Variants in ZBTB10 observed in about 807,000 individuals in gnomAD.
ZBTB10 encodes the protein zinc finger and BTB domain-containing protein 10.
ZBTB10 carries 32 observed loss-of-function variants against 76.4 expected under a neutral mutation model. The ratio of observed to expected loss-of-function variants is 0.42; its 90% CI spans 0.32 to 0.56. The LOEUF (loss-of-function observed/expected upper bound fraction) is 0.56. ZBTB10 is among the 20% of genes least tolerant of loss of function. The pLI, the probability that ZBTB10 is intolerant of heterozygous loss-of-function variation, is 0.14. For missense variants in ZBTB10, 1,057 were observed against 1,098.5 expected (o/e 0.96, Z 0.53); for synonymous variants, 523 against 432.9 (o/e 1.21, Z -2.58).
intron 2 of ZBTB10, among the ~76,000 whole-genome samples, chr8:80,504,281 G>A (rs1357418851): frequency 6.6e-6 from 1 of 152,180 alleles, no homozygotes; most frequent in Non-Finnish European, 1.5e-5. Context: ...CATCTGAAAA[G>A]TCTTAGTGAA....
chr8:80,486,003 C>G, upstream of ZBTB10: 4 of 1,133,664 alleles, frequency 3.5e-6, no homozygotes, highest in South Asian at 1.6e-5. Flanking sequence ...GCCCGCCGCC[C>G]GGCCTTTTGT....
chr8:80,507,770 T>C (rs1816097165), intron 2 of ZBTB10, among the ~76,000 whole-genome samples: 1 of 152,114 alleles, frequency 6.6e-6, no homozygotes, highest in South Asian at 2.1e-4. Context: ...TAATTTTTTT[T>C]AGATTTTTAA....
intron 1 of ZBTB10, among the ~76,000 whole-genome samples, chr8:80,489,788 A>G (rs1815576537): frequency 6.6e-6 from 1 of 152,296 alleles, no homozygotes; most frequent in South Asian, 2.1e-4. Context: ...ATTCTATACA[A>G]TATACATATA....
At chr8:80,489,989 T>C (rs1815581886) in intron 1 of ZBTB10, among the ~76,000 whole-genome samples, 2 of 152,202 alleles carry the variant, frequency 1.3e-5, no homozygotes, top group South Asian at 4.1e-4. Flanking sequence ...TGTCTTAACA[T>C]GAGTAACATG....
At chr8:80,497,611 A>G (rs1043246365) in intron 1 of ZBTB10, among the ~76,000 whole-genome samples, 1 of 150,446 alleles carries the variant, frequency 6.6e-6, no homozygotes, top group Non-Finnish European at 1.5e-5. Context: ...TAGTGATCAT[A>G]TACTCCAGAT....
intron 1 of ZBTB10, among the ~76,000 whole-genome samples, chr8:80,496,062 A>AT (rs1024269554): frequency 4.6e-5 from 7 of 152,042 alleles, no homozygotes; most frequent in African/African-American, 1.4e-4. Flanking sequence ...GGAAATAGTA[A>AT]TTTTTTTTAA....
In ZBTB10 at chr8:80,499,549, A is replaced by G; in HGVS notation, c.1028A>G (p.Glu343Gly). The stretch of plus-strand genomic sequence containing the variant: ...TGTGACTTTAATAGTAGGCCAAATG[A>G]GAACTCTTATTGCTATCAACTTCTG... Reference protein sequence around the residue: ...GYCDFNSRPNENSYCYQLLRQ... With the variant: ...GYCDFNSRPNGNSYCYQLLRQ... The change falls in exon 2 of 6, where the codon GAG (glutamate) becomes GGG (glycine). Residue 343 changes from glutamate (E) to glycine (G), a missense_variant. Glu to Gly is a moderately conservative substitution (Grantham distance 98). This residue lies in a region of ZBTB10 where 86 missense variants were observed against 145.7 expected (regional missense o/e 0.59). Transcript: ENST00000455036. 3.7e-6 allele frequency: 6 copies of G among 1,613,840 alleles called. No individual in the cohort carries two copies. Among genetic ancestry groups the G allele is most frequent in the Non-Finnish European group, 3.4e-6 (4 of 1,179,832 alleles).
chr8:80,500,167 A>G lies in ZBTB10; in HGVS notation c.1646A>G (p.Asn549Ser). 1 of 1,612,470 alleles carries G rather than the reference A, an allele frequency of 6.2e-7. No individual in the cohort carries two copies. Among genetic ancestry groups the G allele is most frequent in the Non-Finnish European group, 8.5e-7 (1 of 1,178,950 alleles). ...VQDGSPEMAE[N>S]ESEGQTKVFI... is the part of the protein sequence containing the mutation. Reference sequence around the variant, plus strand: ...GATGGATCTCCTGAAATGGCTGAAAATGAATCTGAAGGTCAAACAAAAGTG... The same window carrying G: ...GATGGATCTCCTGAAATGGCTGAAAGTGAATCTGAAGGTCAAACAAAAGTG... The change falls in exon 2 of 6, where the codon AAT becomes AGT. Residue 549 changes from asparagine (N) to serine (S), a missense_variant. By Grantham distance (46) the Asn-to-Ser change is conservative. Coordinates refer to ENST00000455036, the MANE Select transcript of ZBTB10 (RefSeq NM_001105539.3).
intron 2 of ZBTB10, among the ~76,000 whole-genome samples, chr8:80,509,932 T>C (rs1013777704): frequency 6.6e-6 from 1 of 152,128 alleles, no homozygotes; most frequent in Non-Finnish European, 1.5e-5. Context: ...ATTACAGACA[T>C]GAGCCATTGT....
Position 80,486,489 on chromosome 8 carries a change from C to T in ZBTB10, c.-322C>T. Reference sequence around the variant, plus strand: ...TGCTCAACTTCGAAGGCCTCGCTCGCTGCAGGCTCGCTCCTCACCTCTCCG... The same window carrying T: ...TGCTCAACTTCGAAGGCCTCGCTCGTTGCAGGCTCGCTCCTCACCTCTCCG... On this transcript the variant is annotated 5_prime_UTR_variant, in exon 1 of 6. Transcript: ENST00000455036. 1.0e-6 allele frequency: 1 copy of T among 985,384 alleles called. No homozygotes were observed. Among genetic ancestry groups the T allele is most frequent in the Non-Finnish European group, 1.2e-6 (1 of 830,070 alleles). The allele number at this position is 985,384 out of a possible 1,614,324, so 61.0% of individuals were successfully genotyped here.
At chr8:80,501,788 C>T (rs1815931832) in intron 2 of ZBTB10, among the ~76,000 whole-genome samples, 1 of 152,070 alleles carries the variant, frequency 6.6e-6, no homozygotes, top group Non-Finnish European at 1.5e-5. Flanking sequence ...ACAATAAAAT[C>T]CCTGAGACAA....
Position 80,487,076 on chromosome 8 carries a change from A to G in ZBTB10, c.266A>G (p.Glu89Gly). 6.6e-7 allele frequency: 1 copy of G among 1,515,962 alleles called. No homozygotes were observed. The highest frequency in any genetic ancestry group is 1.7e-4 in the Middle Eastern group (1 of 5,812). 93.9% of individuals were successfully genotyped at this position (1,515,962 alleles called of 1,614,324 possible). ...ASAGPAAGAAEEAKELLLPQD... is the reference protein window; with the variant it reads ...ASAGPAAGAAGEAKELLLPQD... Reference sequence around the variant, plus strand: ...GCCGGGCCGGCCGCCGGCGCCGCCGAGGAAGCCAAGGAGTTGCTGCTCCCC... The same window carrying G: ...GCCGGGCCGGCCGCCGGCGCCGCCGGGGAAGCCAAGGAGTTGCTGCTCCCC... Residue 89 changes from glutamate (E) to glycine (G), a missense_variant, in exon 1 of 6, where the codon GAG becomes GGG. Coordinates refer to ENST00000455036, the MANE Select transcript of ZBTB10 (RefSeq NM_001105539.3).
In ZBTB10 at chr8:80,519,557, G is replaced by GC; in HGVS notation, c.*30dup. On this transcript the variant is annotated 3_prime_UTR_variant, in exon 6 of 6. Transcript: ENST00000455036. ...ACCTACTATACTCCTCAAGGATGCT[G>GC]CATTTGGACCTAATATGAATCGACA... 1.3e-6 allele frequency: 2 copies of GC among 1,569,994 alleles called. No individual in the cohort carries two copies. Among genetic ancestry groups the GC allele is most frequent in the Non-Finnish European group, 1.7e-6 (2 of 1,155,598 alleles).
At chr8:80,490,069 A>G (rs1316120630) in intron 1 of ZBTB10, among the ~76,000 whole-genome samples, 7 of 152,262 alleles carry the variant, frequency 4.6e-5, no homozygotes, top group East Asian at 3.9e-4. Flanking sequence ...TCAGTCTCCA[A>G]TTACCTATAG....
chr8:80,490,359 C>T (rs1326579744), intron 1 of ZBTB10, among the ~76,000 whole-genome samples: 1 of 152,002 alleles, frequency 6.6e-6, no homozygotes, highest in East Asian at 1.9e-4. Flanking sequence ...AGGCATCCTC[C>T]CGAGTAGCTA....
chr8:80,500,421 C>G, intron 2 of ZBTB10, 39 bp downstream of exon 2: 1 of 1,444,062 alleles, frequency 6.9e-7, no homozygotes, highest in Non-Finnish European at 9.2e-7. Flanking sequence ...CTTGTTCATC[C>G]TAATTCTAGT....
At chr8:80,485,851 G>C (rs189173553), upstream of ZBTB10, 36 of 1,535,876 alleles carry the variant, frequency 2.3e-5, no homozygotes, top group East Asian at 8.1e-4. Context: ...CTCGTGGCGA[G>C]AGAAGGAAAA....
intron 1 of ZBTB10, among the ~76,000 whole-genome samples, chr8:80,493,679 A>C (rs1312996806): frequency 1.3e-5 from 2 of 148,822 alleles, no homozygotes; most frequent in South Asian, 2.2e-4. Flanking sequence ...AAAAAAAAAA[A>C]CCGAGCCGGG....
At chr8:80,497,215 TG>T (rs1485005883) in intron 1 of ZBTB10, among the ~76,000 whole-genome samples, 2 of 152,102 alleles carry the variant, frequency 1.3e-5, no homozygotes, top group African/African-American at 4.8e-5. Flanking sequence ...CACAACATAC[TG>T]GTTTTTTTTT....
Sources: allele counts gnomAD v4.1 joint callset (sites outside exome capture counted in the v4.1 genomes callset), GRCh38; gene constraint gnomAD v4.1.1; regional missense constraint gnomAD v4.1.1; transcripts MANE v1.5; gene names NCBI Gene and HGNC (gene_info 2026-07-23, HGNC 2026-07-21).